Variants in FABP12 observed in about 807,000 individuals in gnomAD.
FABP12 encodes the protein fatty acid-binding protein 12.
In FABP12, 19 loss-of-function variants were observed where a neutral mutation model predicts 13.7. That is an observed-to-expected ratio of 1.39 (90% CI 0.97 to 2.04). The LOEUF (loss-of-function observed/expected upper bound fraction) is 2.04. Among genes scored for constraint, FABP12 ranks in the 30% most tolerant of loss-of-function variants. The pLI is 0.00. For missense variants in FABP12, 182 were observed against 164.2 expected (o/e 1.11, Z -0.59); for synonymous variants, 61 against 57.0 (o/e 1.07, Z -0.32).
At chr8:81,549,933 C>T (rs941185006) in intron 1 of FABP12, among the ~76,000 whole-genome samples, 1 of 152,194 alleles carries the variant, frequency 6.6e-6, no homozygotes, top group Admixed American at 6.5e-5. Context: ...ATAGGAAAAG[C>T]TGCTGAATAT....
chr8:81,535,478 C>A (rs534407717), upstream of FABP12, among the ~76,000 whole-genome samples: 14 of 152,218 alleles, frequency 9.2e-5, no homozygotes, highest in East Asian at 2.5e-3. Flanking sequence ...AGGAGTCAAT[C>A]CCAATTACGC....
At chr8:81,584,070 T>C (rs1011404681) in intron 1 of FABP12, among the ~76,000 whole-genome samples, 2 of 152,178 alleles carry the variant, frequency 1.3e-5, no homozygotes, top group Non-Finnish European at 2.9e-5. Context: ...ATCCTATCAA[T>C]AGGCTGAAGG....
intron 1 of FABP12, among the ~76,000 whole-genome samples, chr8:81,531,835 A>G (rs1050255300): frequency 6.6e-6 from 1 of 152,220 alleles, no homozygotes; most frequent in African/African-American, 2.4e-5. Context: ...TTGAAGTAAA[A>G]AGTTAAGTTT....
At chr8:81,535,030 A>C (rs1030791164), upstream of FABP12, among the ~76,000 whole-genome samples, 3 of 152,250 alleles carry the variant, frequency 2.0e-5, no homozygotes, top group Admixed American at 2.0e-4. Context: ...GTAGGAAAGA[A>C]TGTGAAATGT....
chr8:81,541,386 C>G (rs1027596909), intron 1 of FABP12, among the ~76,000 whole-genome samples: 1 of 152,196 alleles, frequency 6.6e-6, no homozygotes, highest in East Asian at 1.9e-4. Context: ...TTACCATCAG[C>G]CTGGGAATTA....
intron 1 of FABP12, among the ~76,000 whole-genome samples, chr8:81,544,857 G>A (rs1809409641): frequency 6.6e-6 from 1 of 152,122 alleles, no homozygotes; most frequent in African/African-American, 2.4e-5. Flanking sequence ...TATAATGGAA[G>A]CCCAGTGAGA....
intron 1 of FABP12, among the ~76,000 whole-genome samples, chr8:81,542,538 T>C (rs577170189): frequency 6.6e-6 from 1 of 152,268 alleles, no homozygotes; most frequent in Non-Finnish European, 1.5e-5. Context: ...GAAAAGCTTA[T>C]GGGATTCCAC....
exon 1 of FABP12, among the ~76,000 whole-genome samples, chr8:81,590,134 C>G (rs901243684): frequency 1.1e-4 from 17 of 152,216 alleles, no homozygotes; most frequent in African/African-American, 3.6e-4. Context: ...AGAGGCAGCA[C>G]TTAACAATGA....
intron 1 of FABP12, among the ~76,000 whole-genome samples, chr8:81,585,430 C>A (rs376260988): frequency 6.6e-6 from 1 of 152,040 alleles, no homozygotes; most frequent in Non-Finnish European, 1.5e-5. Flanking sequence ...CTATTCTGTT[C>A]TATTGGTATG....
At chr8:81,542,036 C>T (rs1424008910) in intron 1 of FABP12, among the ~76,000 whole-genome samples, 2 of 151,326 alleles carry the variant, frequency 1.3e-5, no homozygotes, top group Non-Finnish European at 2.9e-5. Flanking sequence ...AAACAACTTC[C>T]TCTAGGGCCA....
chr8:81,549,228 TACACAC>T (rs10577619), intron 1 of FABP12, among the ~76,000 whole-genome samples: 38 of 149,402 alleles, frequency 2.5e-4, no homozygotes, highest in Non-Finnish European at 3.6e-4. Flanking sequence ...CAGACACACA[TACACAC>T]ACACACACAC....
exon 3 of FABP12, chr8:81,529,466 T>G (rs1809001676): frequency 1.2e-6 from 2 of 1,613,878 alleles, no homozygotes; most frequent in Admixed American, 1.7e-5. Flanking sequence ...TGGCGTGATT[T>G]CCTCAAACTC....
At chr8:81,536,430 CTTGAG>C (rs369678095), upstream of FABP12, among the ~76,000 whole-genome samples, 75 of 152,278 alleles carry the variant, frequency 4.9e-4, no homozygotes, top group African/African-American at 1.8e-3. Flanking sequence ...TCATATTAAA[CTTGAG>C]TTATTTCAAC....
intron 1 of FABP12, among the ~76,000 whole-genome samples, chr8:81,550,328 G>C (rs890431356): frequency 6.6e-6 from 1 of 152,184 alleles, no homozygotes; most frequent in Non-Finnish European, 1.5e-5. Flanking sequence ...AAATGATGCT[G>C]ACCCAGTGAC....
At chr8:81,566,919 TATCA>T (rs2130060860) in intron 1 of FABP12, among the ~76,000 whole-genome samples, 1 of 152,184 alleles carries the variant, frequency 6.6e-6, no homozygotes, top group South Asian at 2.1e-4. Flanking sequence ...CTAAAGACTC[TATCA>T]AAAAACGATT....
intron 1 of FABP12, among the ~76,000 whole-genome samples, chr8:81,550,264 T>G (rs1488390427): frequency 6.6e-6 from 1 of 152,210 alleles, no homozygotes; most frequent in Admixed American, 6.5e-5. Flanking sequence ...TAGAGTCTTA[T>G]AATATTTTTA....
intron 1 of FABP12, among the ~76,000 whole-genome samples, chr8:81,580,083 C>T (rs1438987515): frequency 1.3e-5 from 2 of 152,142 alleles, no homozygotes; most frequent in African/African-American, 4.8e-5. Flanking sequence ...TATATTGTTG[C>T]ATTTTGACCT....
chr8:81,579,229 C>T (rs1810114608), intron 1 of FABP12, among the ~76,000 whole-genome samples: 1 of 151,992 alleles, frequency 6.6e-6, no homozygotes, highest in African/African-American at 2.4e-5. Flanking sequence ...AAGTGTTCCC[C>T]AGTGAAATTC....
chr8:81,545,935 C>T (rs926146584), intron 1 of FABP12, among the ~76,000 whole-genome samples: 2 of 152,186 alleles, frequency 1.3e-5, no homozygotes, highest in African/African-American at 4.8e-5. Context: ...AGCCCACTCT[C>T]ATCCCTGGAG....
Sources: gnomAD v4.1 joint callset for allele counts (sites outside exome capture counted in the v4.1 genomes callset) on GRCh38, gnomAD v4.1.1 for gene constraint, MANE v1.5 for transcripts, NCBI Gene and HGNC (gene_info 2026-07-23, HGNC 2026-07-21) for gene names.